DHRS4L2: variants seen among roughly 807,000 people sequenced by gnomAD.
The protein encoded by DHRS4L2 is dehydrogenase/reductase SDR family member 4-like 2.
DHRS4L2 carries 22 observed loss-of-function variants against 23.9 expected under a neutral mutation model. The ratio of observed to expected loss-of-function variants is 0.92; its 90% confidence interval spans 0.66 to 1.31. The LOEUF is 1.31. DHRS4L2 is among the 40% of genes most tolerant of loss of function. DHRS4L2 has a pLI of 0.00. For synonymous variants in DHRS4L2, 141 were observed against 123.7 expected, an observed-to-expected ratio of 1.14 and a Z score of -0.93; for missense variants, 385 against 303.3, an observed-to-expected ratio of 1.27 and a Z score of -2.00.
intron 1 of DHRS4L2, among the ~76,000 whole-genome samples, chr14:23,972,445 G>A (rs1025864101): frequency 9.2e-5 from 14 of 151,986 alleles, no homozygotes; most frequent in African/African-American, 1.7e-4. Flanking sequence ...AGACCTTCAC[G>A]GTGAGTGTTA....
At chr14:23,989,264 C>A (rs539383163) in intron 1 of DHRS4L2, among the ~76,000 whole-genome samples, 189 bp downstream of exon 1, 5 of 151,636 alleles carry the variant, frequency 3.3e-5, no homozygotes, top group African/African-American at 1.2e-4. Context: ...GCCAGCCCTT[C>A]TGTCCCTGCT....
At chr14:24,000,975 C>T (rs1171097993) in intron 4 of DHRS4L2, 42 bp downstream of exon 4, 2 of 1,611,348 alleles carry the variant, frequency 1.2e-6, no homozygotes, top group African/African-American at 2.7e-5. Context: ...GGGGACCCCA[C>T]ACAGGCTGAG....
chr14:23,988,806 G>A (rs886213336), upstream of DHRS4L2: 8 of 1,399,882 alleles, frequency 5.7e-6, no homozygotes, highest in African/African-American at 8.7e-5. Flanking sequence ...GGCGGGAGGC[G>A]CCAACCGCCA....
chr14:23,990,064 G>A lies in DHRS4L2; in HGVS notation c.129-118G>A, dbSNP rs555377084. Reference sequence around the variant, plus strand: ...GTTTTACACATAGTAGGCACACGTAGGAGTTATATAGAGAAAGAGCCAGAA... The same window carrying A: ...GTTTTACACATAGTAGGCACACGTAAGAGTTATATAGAGAAAGAGCCAGAA... On this transcript the variant is annotated intron_variant, in intron 1 of 7. Transcript: ENST00000335125. 457 of 1,481,796 alleles carry A rather than the reference G, an allele frequency of 3.1e-4. 5 individuals are homozygous for A. In the African/African-American group the frequency reaches 5.7e-3, roughly 18 times the overall value. The allele number at this position is 1,481,796 out of a possible 1,614,324, so 91.8% of individuals were successfully genotyped here.
chr14:23,999,170 TATA>T (rs1177965989), intron 3 of DHRS4L2, among the ~76,000 whole-genome samples: 1 of 147,088 alleles, frequency 6.8e-6, no homozygotes, highest in South Asian at 2.3e-4. Flanking sequence ...CCAAAACAAT[TATA>T]ATAAAACCAT....
In DHRS4L2 at chr14:23,996,429, T is replaced by C. The variant is rs1357945046; in HGVS notation, c.408+1296T>C. Among the ~76,000 whole-genome samples the C allele has an allele frequency of 2.0e-5, 3 of 151,284 alleles. 1 individual carries two copies. On this transcript the variant is annotated intron_variant, in intron 3 of 7. Coordinates refer to ENST00000335125, the MANE Select transcript of DHRS4L2 (RefSeq NM_198083.4). ...AGTTTTTGATTCTAGTTTGAGCTAG[T>C]TTGAGAGAAGGCTGGGCAACACAGC...
upstream of DHRS4L2, among the ~76,000 whole-genome samples, chr14:23,986,840 G>A (rs533439812): frequency 2.6e-4 from 40 of 151,664 alleles, no homozygotes; most frequent in Non-Finnish European, 4.6e-4. Context: ...GCCCTGGGAA[G>A]GGTTCCCACA....
chr14:23,991,694 G>A (rs56334454), intron 2 of DHRS4L2, among the ~76,000 whole-genome samples: 3,372 of 151,292 alleles, frequency 0.022, 108 homozygotes, highest in Middle Eastern at 0.055. Context: ...TACTGCTGGG[G>A]AAGGGGCTGC....
intron 1 of DHRS4L2, among the ~76,000 whole-genome samples, chr14:23,972,448 G>T (rs1165155746): frequency 6.6e-6 from 1 of 152,012 alleles, no homozygotes; most frequent in African/African-American, 2.4e-5. Context: ...CCTTCACGGT[G>T]AGTGTTACAG....
chr14:23,970,452 A>G lies in DHRS4L2; in HGVS notation c.-176+120A>G, dbSNP rs1450265324. ...TAGGCGTTCTATGATCACAGTGTAAACAAAGCTGCAGGGAAGCTCTAACTG... is the reference window on the plus strand; with the variant it reads ...TAGGCGTTCTATGATCACAGTGTAAGCAAAGCTGCAGGGAAGCTCTAACTG... On this transcript the variant is annotated intron_variant, in intron 1 of 5. Coordinates refer to the DHRS4L2 transcript ENST00000534993. 2.5e-5 allele frequency: 9 copies of G among 353,578 alleles called. No individual in the cohort carries two copies. The East Asian group carries it at 6.0e-4, about 24-fold the overall frequency. 21.9% of individuals were successfully genotyped at this position (353,578 alleles called of 1,614,324 possible).
At chr14:23,983,305 G>T (rs1202679699) in intron 1 of DHRS4L2, among the ~76,000 whole-genome samples, 2 of 151,716 alleles carry the variant, frequency 1.3e-5, no homozygotes, top group East Asian at 3.8e-4. Context: ...GCTCATTAGA[G>T]ACATGCAAAT....
At chr14:23,988,798 C>T (rs889468388), upstream of DHRS4L2, 32 of 1,400,594 alleles carry the variant, frequency 2.3e-5, 3 homozygotes, top group Non-Finnish European at 3.0e-5. Flanking sequence ...TGGCGGGCGG[C>T]GGGAGGCGCC....
chr14:24,001,218 T>C, intron 5 of DHRS4L2, 134 bp downstream of exon 5: 1 of 1,581,606 alleles, frequency 6.3e-7, no homozygotes, highest in Non-Finnish European at 8.6e-7. Flanking sequence ...ATAGATGCCT[T>C]GCCTCCACAA....
chr14:23,987,408 G>A (rs1193967933), upstream of DHRS4L2: 3 of 182,316 alleles, frequency 1.6e-5, no homozygotes, highest in South Asian at 7.6e-5. Flanking sequence ...GGATTACAGG[G>A]TGAGCCACCA....
chr14:23,975,938 C>A (rs372900963), intron 1 of DHRS4L2, among the ~76,000 whole-genome samples: 1 of 151,528 alleles, frequency 6.6e-6, no homozygotes, highest in African/African-American at 2.4e-5. Context: ...GTTCCTTACA[C>A]CTTATACTAA....
At chr14:23,974,746 G>A (rs562377797) in intron 1 of DHRS4L2, among the ~76,000 whole-genome samples, 3 of 151,906 alleles carry the variant, frequency 2.0e-5, no homozygotes, top group Non-Finnish European at 4.4e-5. Flanking sequence ...CTGAAATTGA[G>A]GCAATAATTA....
chr14:23,970,387 G>C (rs1192765923), intron 1 of DHRS4L2: 14 of 385,712 alleles, frequency 3.6e-5, no homozygotes, highest in African/African-American at 2.6e-4. Flanking sequence ...CAGTTAACGG[G>C]GCCGTGGGGG....
chr14:24,004,556 CA>C, intron 7 of DHRS4L2, 164 bp downstream of exon 7: 1 of 986,388 alleles, frequency 1.0e-6, no homozygotes, highest in African/African-American at 2.0e-5. Context: ...GTGACCTGAG[CA>C]AGAAGTCAGC....
At chr14:24,001,161 GT>G (rs2034480629) in intron 5 of DHRS4L2, 77 bp downstream of exon 5, 1 of 1,608,270 alleles carries the variant, frequency 6.2e-7, no homozygotes, top group Non-Finnish European at 8.5e-7. Flanking sequence ...ACCCAAAGAA[GT>G]TTGTGTCCCC....
Sources: allele counts gnomAD v4.1 joint callset (sites outside exome capture counted in the v4.1 genomes callset), GRCh38; gene constraint gnomAD v4.1.1; transcripts MANE v1.5; gene names NCBI Gene and HGNC (gene_info 2026-07-23, HGNC 2026-07-21).